The following PTPRD variants were observed in gnomAD, a reference collection of about 807,000 sequenced individuals.
PTPRD encodes the protein receptor-type tyrosine-protein phosphatase delta.
Under a neutral mutation model 214.5 loss-of-function variants are expected in PTPRD, and 34 were observed. That is an observed-to-expected ratio of 0.16 (90% confidence interval 0.12 to 0.21). PTPRD has a LOEUF of 0.21. PTPRD is among the 10% of genes least tolerant of loss of function. PTPRD has a pLI of 1.00. For synonymous variants in PTPRD, 1,128 were observed against 845.7 expected, an observed-to-expected ratio of 1.33 and a Z score of -5.79; for missense variants, 2,545 against 2,398.7, an observed-to-expected ratio of 1.06 and a Z score of -1.27.
rs542430494 is a variant in PTPRD, at chr9:9,041,569, T to G, written c.-142-22834A>C. On this transcript the variant is annotated intron_variant, in intron 10 of 45. Transcript: ENST00000381196. Reference sequence around the variant, plus strand: ...CTCATTCTTTTTGATGGCTGCATAGTAAGAATTCCTTTTCTTAGTTTCACC... The same window carrying G: ...CTCATTCTTTTTGATGGCTGCATAGGAAGAATTCCTTTTCTTAGTTTCACC... Among the ~76,000 whole-genome samples the G allele has an allele frequency of 2.6e-5, 4 of 152,224 alleles. No individual in the cohort carries two copies. In the East Asian group the frequency reaches 7.7e-4, roughly 29 times the overall value.
intron 9 of PTPRD, among the ~76,000 whole-genome samples, chr9:9,356,524 G>T (rs947141506): frequency 2.6e-5 from 4 of 151,338 alleles, no homozygotes; most frequent in Admixed American, 6.6e-5. Flanking sequence ...ATTTGCAATA[G>T]ATTTTACTAA....
intron 8 of PTPRD, among the ~76,000 whole-genome samples, chr9:9,465,857 C>T (rs12350794): frequency 0.076 from 11,513 of 152,078 alleles, 516 homozygotes; most frequent in Non-Finnish European, 0.1. Flanking sequence ...TGGGTATTAG[C>T]CATGTGCTGG....
intron 5 of PTPRD, among the ~76,000 whole-genome samples, chr9:9,809,188 T>A (rs1244830722): frequency 1.3e-5 from 2 of 152,034 alleles, no homozygotes; most frequent in Admixed American, 1.3e-4. Context: ...TAGGCCTTTT[T>A]TTCTGTCTAT....
intron 8 of PTPRD, among the ~76,000 whole-genome samples, chr9:9,455,861 G>T (rs1205730350): frequency 6.6e-6 from 1 of 151,726 alleles, no homozygotes; most frequent in African/African-American, 2.4e-5. Flanking sequence ...ACTAGAGCAG[G>T]GAAAGAGGGA....
chr9:10,239,347 T>C (rs1008920159), intron 3 of PTPRD, among the ~76,000 whole-genome samples: 2 of 151,984 alleles, frequency 1.3e-5, no homozygotes, highest in Admixed American at 6.6e-5. Context: ...AAAGACATTC[T>C]ATGTATAGGT....
At chr9:9,650,347 T>C (rs889353691) in intron 7 of PTPRD, among the ~76,000 whole-genome samples, 1 of 152,118 alleles carries the variant, frequency 6.6e-6, no homozygotes, top group African/African-American at 2.4e-5. Flanking sequence ...ATTGTGAAAA[T>C]GGACTAATGC....
intron 4 of PTPRD, among the ~76,000 whole-genome samples, chr9:9,990,940 T>TC (rs1156476106): frequency 6.6e-6 from 1 of 150,756 alleles, no homozygotes; most frequent in East Asian, 1.9e-4. Flanking sequence ...AAATAGTCTT[T>TC]TTTTTTTTTT....
chr9:9,428,223 A>T lies in PTPRD; in HGVS notation c.-236-30741T>A, dbSNP rs566180313. Among the ~76,000 whole-genome samples the T allele has an allele frequency of 2.7e-4, 41 of 151,918 alleles. 1 individual carries two copies. The highest frequency in any genetic ancestry group is 9.4e-4 in the African/African-American group (39 of 41,452). On this transcript the variant is annotated intron_variant, in intron 8 of 45. Transcript: ENST00000381196. ...ATAAAGGGATGGAGGAAGATCTACC[A>T]AGCAAATGGAAAACAAAAAAAAAGC...
At chr9:8,943,501 G>A (rs371177607) in intron 11 of PTPRD, among the ~76,000 whole-genome samples, 6 of 151,128 alleles carry the variant, frequency 4.0e-5, no homozygotes, top group South Asian at 2.1e-4. Context: ...TTTTGACAAC[G>A]GTGCCAAGAA....
At chr9:8,548,958 T>G (rs2081171006) in intron 14 of PTPRD, among the ~76,000 whole-genome samples, 1 of 151,924 alleles carries the variant, frequency 6.6e-6, no homozygotes, top group African/African-American at 2.4e-5. Context: ...CACAAAGTGA[T>G]GGGATTACAG....
intron 15 of PTPRD, chr9:8,528,269 G>A (rs962051607): frequency 2.3e-6 from 1 of 426,736 alleles, no homozygotes. Context: ...AACAGAGAAA[G>A]AAGAAAGAAA....
At chr9:8,578,076 T>C (rs1194757457) in intron 14 of PTPRD, among the ~76,000 whole-genome samples, 4 of 152,228 alleles carry the variant, frequency 2.6e-5, no homozygotes, top group Non-Finnish European at 4.4e-5. Flanking sequence ...GTTAATTTCA[T>C]TGCGCTTTAT....
At chr9:8,329,831 C>T (rs1245822942) in intron 44 of PTPRD, among the ~76,000 whole-genome samples, 1 of 152,086 alleles carries the variant, frequency 6.6e-6, no homozygotes, top group African/African-American at 2.4e-5. Flanking sequence ...AAACAGCCTA[C>T]TCTAGCCTCA....
At chr9:9,872,324 A>T (rs1325371084) in intron 5 of PTPRD, among the ~76,000 whole-genome samples, 2 of 152,180 alleles carry the variant, frequency 1.3e-5, no homozygotes, top group Non-Finnish European at 2.9e-5. Flanking sequence ...CTCCACAATT[A>T]AATGGAGACT....
At chr9:8,407,345 G>T (rs1411378689) in intron 35 of PTPRD, among the ~76,000 whole-genome samples, 1 of 152,142 alleles carries the variant, frequency 6.6e-6, no homozygotes, top group African/African-American at 2.4e-5. Context: ...CTGAAGTAAA[G>T]AAAGATTAAT....
At chr9:8,488,941 A>T (rs905102197) in intron 27 of PTPRD, among the ~76,000 whole-genome samples, 1 of 152,136 alleles carries the variant, frequency 6.6e-6, no homozygotes. Flanking sequence ...ATTTATTAAA[A>T]TTTTTTGAAA....
At chr9:8,755,842 G>A (rs1035397813) in intron 11 of PTPRD, among the ~76,000 whole-genome samples, 3 of 152,134 alleles carry the variant, frequency 2.0e-5, no homozygotes, top group African/African-American at 7.2e-5. Context: ...AACAGTAAAT[G>A]ACCAGCCCAA....
intron 8 of PTPRD, among the ~76,000 whole-genome samples, chr9:9,561,489 A>C (rs547935028): frequency 9.2e-5 from 14 of 152,202 alleles, no homozygotes; most frequent in Non-Finnish European, 1.5e-4. Context: ...CATCAACACT[A>C]CTAAGTAAAT....
chr9:9,951,243 T>C (rs1047850957), intron 4 of PTPRD, among the ~76,000 whole-genome samples: 1 of 152,168 alleles, frequency 6.6e-6, no homozygotes, highest in Non-Finnish European at 1.5e-5. Context: ...TCTTGGGGCA[T>C]CCATCTCCAA....
Sources: allele counts gnomAD v4.1 joint callset (sites outside exome capture counted in the v4.1 genomes callset), GRCh38; gene constraint gnomAD v4.1.1; transcripts MANE v1.5; gene names NCBI Gene and HGNC (gene_info 2026-07-23, HGNC 2026-07-21).